Variants in DHX40 observed in about 807,000 individuals in gnomAD.
The protein encoded by DHX40 is probable ATP-dependent RNA helicase DHX40.
DHX40 carries 28 observed loss-of-function variants against 89.6 expected under a neutral mutation model. The ratio of observed to expected loss-of-function variants is 0.31; its 90% confidence interval spans 0.23 to 0.43. DHX40 has a LOEUF of 0.43. Among genes scored for constraint, DHX40 ranks in the 20% least tolerant of loss-of-function variants. The probability of loss-of-function intolerance (pLI) is 1.00; values close to 1 mark genes in which losing one functional copy is unlikely to be tolerated. For synonymous variants in DHX40, 226 were observed against 283.6 expected (o/e 0.80, Z 2.04); for missense variants, 457 against 844.0 (o/e 0.54, Z 5.68).
chr17:59,566,038 G>A (rs1040844270), intron 1 of DHX40, among the ~76,000 whole-genome samples: 1 of 152,172 alleles, frequency 6.6e-6, no homozygotes, highest in Non-Finnish European at 1.5e-5. Context: ...AATGCATTCT[G>A]TTCTTAAACA....
chr17:59,602,634 G>C lies in DHX40; in HGVS notation c.1901+18G>C. The C allele has an allele frequency of 1.3e-6, 2 of 1,594,864 alleles. No homozygotes were observed. The highest frequency in any genetic ancestry group is 2.2e-5 in the East Asian group (1 of 44,748). ...GCTCGAAGGTAAGCAATAAAGACTT[G>C]AGAGATGGATCAAGATATAATACTG... On this transcript the variant is annotated intron_variant, in intron 15 of 17. Coordinates refer to ENST00000251241, the MANE Select transcript of DHX40 (RefSeq NM_024612.5).
At chr17:59,606,996 A>G (rs1210062995) in intron 17 of DHX40, 37 bp from the exon 18 acceptor site, 1 of 1,569,942 alleles carries the variant, frequency 6.4e-7, no homozygotes, top group Admixed American at 1.8e-5. Context: ...TGAATCTCAA[A>G]GCTAAGTTTT....
chr17:59,602,894 G>A (rs959405474), intron 15 of DHX40, among the ~76,000 whole-genome samples: 3 of 152,144 alleles, frequency 2.0e-5, no homozygotes, highest in Admixed American at 6.6e-5. Context: ...TTTTCTTTCA[G>A]AGAGGTGGCC....
chr17:59,586,382 G>A, intron 11 of DHX40, 149 bp downstream of exon 11: 1 of 813,546 alleles, frequency 1.2e-6, no homozygotes, highest in Non-Finnish European at 1.9e-6. Flanking sequence ...TGAAAAACCA[G>A]CCGGGCGCTG....
chr17:59,569,199 G>C (rs574702306), intron 2 of DHX40, among the ~76,000 whole-genome samples: 1 of 152,170 alleles, frequency 6.6e-6, no homozygotes, highest in Admixed American at 6.5e-5. Flanking sequence ...GTGGTGGCGC[G>C]CACCTGTAAT....
chr17:59,593,688 G>A (rs2049111107), intron 12 of DHX40, among the ~76,000 whole-genome samples: 2 of 124,318 alleles, frequency 1.6e-5, no homozygotes, highest in African/African-American at 3.1e-5. Context: ...GTTGGAGGCT[G>A]GTCTCAAACT....
At chr17:59,602,447 G>A (rs1207982886) in intron 14 of DHX40, 75 bp from the exon 15 acceptor site, 1 of 1,337,220 alleles carries the variant, frequency 7.5e-7, no homozygotes, top group Non-Finnish European at 1.0e-6. Context: ...CTTTAGAAAT[G>A]TGGATTTTTC....
chr17:59,579,326 C>CA lies in DHX40; in HGVS notation c.1074-144dup. On this transcript the variant is annotated intron_variant, in intron 8 of 17. Transcript: ENST00000251241. The stretch of plus-strand genomic sequence containing the variant: ...TCCCACCAACAACATACGAGGGTTC[C>CA]AATTTCTTGACTTTCAAGTTTTACA... 2 of 200,034 alleles carry CA rather than the reference C, an allele frequency of 1.0e-5. 1 individual carries two copies. The highest frequency in any genetic ancestry group is 2.6e-4 in the South Asian group (2 of 7,720). 12.4% of individuals were successfully genotyped at this position (200,034 alleles called of 1,614,324 possible).
In DHX40 at chr17:59,607,175, T is replaced by C; in HGVS notation, c.*3T>C. 6.2e-7 allele frequency: 1 copy of C among 1,614,030 alleles called. No homozygotes were observed. Among genetic ancestry groups the C allele is most frequent in the South Asian group, 1.1e-5 (1 of 91,064 alleles). ...ACACACGAAAGGAAACAGGCTAAGG[T>C]GGTGAACCCTCCAATTCAGGAAGTG... On this transcript the variant is annotated 3_prime_UTR_variant, in exon 18 of 18. Transcript: ENST00000251241.
intron 15 of DHX40, 37 bp from the exon 16 acceptor site, chr17:59,605,078 T>A (rs1173211978): frequency 9.0e-6 from 14 of 1,559,516 alleles, no homozygotes; most frequent in Non-Finnish European, 1.2e-5. Flanking sequence ...ATTGCTTTAC[T>A]GTTGTAGTCT....
Position 59,607,042 on chromosome 17 carries a change from C to T in DHX40, c.2210C>T (p.Ser737Leu), listed in dbSNP as rs544885439. Residue 737 changes from serine to leucine, a missense_variant, in exon 18 of 18, where the codon TCG becomes TTG. Physicochemically the swap from Ser to Leu is moderately radical, Grantham distance 145. Transcript: ENST00000251241. ...TTTGTAATGTTTTCAGATGGAATAT[C>T]GAAAGACGTCTTAAAGAAAATGCAA... ...ENVKQLKDGI[S>L]KDVLKKMQRR... 26 of 1,612,972 alleles carry T rather than the reference C, an allele frequency of 1.6e-5. No homozygotes were observed. The highest frequency in any genetic ancestry group is 2.2e-5 in the East Asian group (1 of 44,872).
intron 1 of DHX40, among the ~76,000 whole-genome samples, chr17:59,566,083 C>T (rs2048700676): frequency 6.6e-6 from 1 of 152,086 alleles, no homozygotes; most frequent in African/African-American, 2.4e-5. Context: ...CCCATTCATC[C>T]CCCCCACCCT....
At chr17:59,570,713 C>G (rs1446202003) in intron 3 of DHX40, 50 bp downstream of exon 3, 1 of 1,551,212 alleles carries the variant, frequency 6.4e-7, no homozygotes, top group East Asian at 2.4e-5. Flanking sequence ...GGGACAGGGT[C>G]TTGCTCTGTC....
intron 13 of DHX40, among the ~76,000 whole-genome samples, chr17:59,599,074 G>T (rs2030306471): frequency 6.6e-6 from 1 of 152,086 alleles, no homozygotes; most frequent in African/African-American, 2.4e-5. Flanking sequence ...TACTGAAAAT[G>T]ACCTTATAGA....
chr17:59,606,030 T>C lies in DHX40; in HGVS notation c.2200+356T>C, dbSNP rs1381027372. Reference sequence around the variant, plus strand: ...AGAATCCCCTTTGTTTCCAAGGGGCTTTTTCTTTCTTTCTTTCTTTTTCTT... The same window carrying C: ...AGAATCCCCTTTGTTTCCAAGGGGCCTTTTCTTTCTTTCTTTCTTTTTCTT... On this transcript the variant is annotated intron_variant, in intron 17 of 17. Transcript: ENST00000251241. 2.0e-5 allele frequency among the ~76,000 whole-genome samples: 3 copies of C among 152,026 alleles called. No homozygotes were observed. In the East Asian group the frequency reaches 5.8e-4, roughly 29 times the overall value.
intron 14 of DHX40, among the ~76,000 whole-genome samples, chr17:59,601,069 C>T (rs978813144): frequency 2.0e-5 from 3 of 150,764 alleles, no homozygotes; most frequent in Non-Finnish European, 3.0e-5. Flanking sequence ...TTTGGGAAGC[C>T]GTAGTGTGGG....
Position 59,607,232 on chromosome 17 carries a change from T to A in DHX40, c.*60T>A. 4 of 1,614,108 alleles carry A rather than the reference T, an allele frequency of 2.5e-6. No individual in the cohort carries two copies. The highest frequency in any genetic ancestry group is 3.4e-6 in the Non-Finnish European group (4 of 1,180,032). ...GGAGCCAGGAAATGTGCTTCTACTT[T>A]GCCAGTTATTTCAGACAGCACTACC... On this transcript the variant is annotated 3_prime_UTR_variant, in exon 18 of 18. Transcript: ENST00000251241.
chr17:59,593,931 G>A (rs1480134063), intron 12 of DHX40, among the ~76,000 whole-genome samples: 4 of 148,828 alleles, frequency 2.7e-5, no homozygotes, highest in East Asian at 4.0e-4. Flanking sequence ...GTGATTGGTC[G>A]GAGGTTGTAC....
At chr17:59,580,856 C>T (rs1400089111) in intron 10 of DHX40, among the ~76,000 whole-genome samples, 3 of 151,048 alleles carry the variant, frequency 2.0e-5, no homozygotes, top group African/African-American at 4.9e-5. Flanking sequence ...CCAAAGTGGG[C>T]GGATCCCTTG....
Sources: allele counts gnomAD v4.1 joint callset (sites outside exome capture counted in the v4.1 genomes callset), GRCh38; gene constraint gnomAD v4.1.1; transcripts MANE v1.5; gene names NCBI Gene and HGNC (gene_info 2026-07-23, HGNC 2026-07-21).